Variants in C5orf47 observed in about 807,000 individuals in gnomAD.
C5orf47 encodes chromosome 5 open reading frame 47, also known as uncharacterized protein C5orf47.
C5orf47 carries 20 observed loss-of-function variants against 20.6 expected under a neutral mutation model. The ratio of observed to expected loss-of-function variants is 0.97; its 90% confidence interval spans 0.68 to 1.41. C5orf47 has a LOEUF of 1.41. Among genes scored for constraint, C5orf47 ranks in the 40% most tolerant of loss-of-function variants. C5orf47 has a pLI of 0.00. For synonymous variants in C5orf47, 106 were observed against 97.3 expected, an observed-to-expected ratio of 1.09 and a Z score of -0.53; for missense variants, 262 against 238.4, an observed-to-expected ratio of 1.10 and a Z score of -0.65.
chr5:174,008,154 C>T (rs1391077186), downstream of C5orf47, among the ~76,000 whole-genome samples: 1 of 152,186 alleles, frequency 6.6e-6, no homozygotes, highest in East Asian at 1.9e-4. Flanking sequence ...GCTAGGATAT[C>T]CCTTCCAGAG....
chr5:173,989,331 C>T lies in C5orf47; in HGVS notation c.68C>T (p.Ser23Leu), dbSNP rs1252759478. ...TTCGTCTATGTGACGCGCTTCGGCT[C>T]GCATCAGTGCAGTGGCGTCCTGCAA... The part of the protein sequence containing the change: ...ARFVYVTRFG[S>L]HQCSGVLQLG... Residue 23 changes from serine to leucine, a missense_variant, in exon 1 of 5, where the codon TCG becomes TTG. Transcript: ENST00000340147. The T allele has an allele frequency of 1.4e-6, 2 of 1,430,620 alleles. No homozygotes were observed. The highest frequency in any genetic ancestry group is 9.2e-7 in the Non-Finnish European group (1 of 1,086,216). The allele number at this position is 1,430,620 out of a possible 1,614,324, so 88.6% of individuals were successfully genotyped here. A position where few individuals can be genotyped will look rare whatever the true frequency, so the allele number is the denominator to read the frequency against.
rs376415933 is a variant in C5orf47 at position 173,989,372 on chromosome 5, G to A, written c.109G>A (p.Ala37Thr). The A allele has an allele frequency of 1.3e-4, 205 of 1,530,312 alleles. No individual in the cohort carries two copies. The highest frequency in any genetic ancestry group is 5.1e-4 in the Middle Eastern group (3 of 5,918). The allele number at this position is 1,530,312 out of a possible 1,614,324, so 94.8% of individuals were successfully genotyped here. A position where few individuals can be genotyped will look rare whatever the true frequency, so the allele number is the denominator to read the frequency against. Residue 37 changes from alanine (A) to threonine (T), a missense_variant, in exon 1 of 5, where the codon GCT (alanine) becomes ACT (threonine). Coordinates refer to ENST00000340147, the MANE Select transcript of C5orf47 (RefSeq NM_001144954.2). ...SGVLQLGGRG[A>T]QGLWGQGPGA... ...CGTCCTGCAACTGGGCGGCCGTGGA[G>A]CTCAAGGCCTTTGGGGTCAGGGGCC... is the stretch of plus-strand genomic sequence containing the variant.
At position 174,004,965 on chromosome 5, in the gene C5orf47, T is replaced by G. The variant is rs541341830; in HGVS notation, c.*711T>G. ...AATACATTATTTTTAAGTCAATGAA[T>G]GAGAGGATTAGAATTCTGAAAATCA... is the stretch of plus-strand genomic sequence containing the variant. On this transcript the variant is annotated 3_prime_UTR_variant, in exon 5 of 5. Transcript: ENST00000340147. 2 of 152,322 alleles carry G rather than the reference T, an allele frequency of 1.3e-5. No individual in the cohort carries two copies. The highest frequency in any genetic ancestry group is 3.9e-4 in the East Asian group (2 of 5,192). The allele number at this position is 152,322 out of a possible 1,614,324, so 9.4% of individuals were successfully genotyped here.
intron 4 of C5orf47, among the ~76,000 whole-genome samples, chr5:174,002,742 A>G (rs1759221207): frequency 6.6e-6 from 1 of 152,016 alleles, no homozygotes; most frequent in East Asian, 1.9e-4. Flanking sequence ...TTTTTTCCCT[A>G]TTGCCCCAAT....
At position 173,989,436 on chromosome 5, in the gene C5orf47, T is replaced by C; in HGVS notation, c.173T>C (p.Met58Thr). 1 of 1,549,412 alleles carries C rather than the reference T, an allele frequency of 6.5e-7. No homozygotes were observed. The highest frequency in any genetic ancestry group is 8.7e-7 in the Non-Finnish European group (1 of 1,145,926). ...GCRQEKPREA[M>T]AVAGVQGGSE... ...CGCCAGGAGAAGCCGAGGGAAGCAA[T>C]GGCGGTGGCGGGCGTTCAGGGTGGC... is the stretch of plus-strand genomic sequence containing the variant. The change falls in exon 1 of 5, where the codon ATG (methionine) becomes ACG (threonine). Residue 58 changes from methionine to threonine, a missense_variant. By Grantham distance (81) the Met-to-Thr change is moderately conservative. Transcript: ENST00000340147.
chr5:174,007,591 T>C (rs1759311760), downstream of C5orf47, among the ~76,000 whole-genome samples: 1 of 147,042 alleles, frequency 6.8e-6, no homozygotes, highest in South Asian at 2.1e-4. Flanking sequence ...GGAGTCTCGC[T>C]CTGATGCTGA....
intron 4 of C5orf47, among the ~76,000 whole-genome samples, chr5:174,001,937 T>C (rs1056199770): frequency 6.6e-6 from 1 of 151,262 alleles, no homozygotes; most frequent in African/African-American, 2.4e-5. Context: ...TACATACAGT[T>C]ATCTTTTTTC....
rs1280541992 is a variant in C5orf47, at chr5:174,005,920, G to A, written c.*1666G>A. ...GAGGAATGAAGACTCCCACTGAAAT[G>A]AATGTTCTAAATATTTGTTCTAAAT... On this transcript the variant is annotated 3_prime_UTR_variant, in exon 5 of 5. Transcript: ENST00000340147. 6.6e-6 allele frequency: 1 copy of A among 152,298 alleles called. No homozygotes were observed. Among genetic ancestry groups the A allele is most frequent in the East Asian group, 1.9e-4 (1 of 5,340 alleles). The allele number at this position is 152,298 out of a possible 1,614,324, so 9.4% of individuals were successfully genotyped here.
At position 173,999,714 on chromosome 5, in the gene C5orf47, T is replaced by TAGAGTATAC; in HGVS notation, c.428_436dup (p.Arg143_Tyr145dup). On this transcript the variant is annotated inframe_insertion, in exon 3 of 5. Transcript: ENST00000340147. Reference sequence around the variant, plus strand: ...ATCTTTTTAAGGTTTTAGTATGGAATAGAGTATACAAAGTCATTTCAAGAA... The same window carrying TAGAGTATAC: ...ATCTTTTTAAGGTTTTAGTATGGAATAGAGTATACAGAGTATACAAAGTCATTTCAAGAA... 6.8e-7 allele frequency: 1 copy of TAGAGTATAC among 1,477,310 alleles called. No homozygotes were observed. Among genetic ancestry groups the TAGAGTATAC allele is most frequent in the Non-Finnish European group, 9.2e-7 (1 of 1,084,210 alleles). 91.5% of individuals were successfully genotyped at this position (1,477,310 alleles called of 1,614,324 possible). A position where few individuals can be genotyped will look rare whatever the true frequency, so the allele number is the denominator to read the frequency against.
chr5:173,989,663 C>T (rs1235263742), intron 1 of C5orf47, 75 bp downstream of exon 1: 18 of 1,232,498 alleles, frequency 1.5e-5, no homozygotes, highest in Middle Eastern at 5.5e-4. Flanking sequence ...TGCTGGGCGC[C>T]ATCTTGCGGC....
rs1393270297 is a variant in C5orf47 at position 174,005,676 on chromosome 5, T to G, written c.*1422T>G. On this transcript the variant is annotated 3_prime_UTR_variant, in exon 5 of 5. Transcript: ENST00000340147. Reference sequence around the variant, plus strand: ...AAGTCCATTGCAAAATGAGACATATTTACACTGTTTATACTGTAATTTATG... The same window carrying G: ...AAGTCCATTGCAAAATGAGACATATGTACACTGTTTATACTGTAATTTATG... The G allele has an allele frequency of 1.3e-5, 2 of 152,372 alleles. No homozygotes were observed. Among genetic ancestry groups the G allele is most frequent in the East Asian group, 3.7e-4 (2 of 5,334 alleles). 9.4% of individuals were successfully genotyped at this position (152,372 alleles called of 1,614,324 possible). A position where few individuals can be genotyped will look rare whatever the true frequency, so the allele number is the denominator to read the frequency against.
intron 4 of C5orf47, among the ~76,000 whole-genome samples, chr5:174,002,523 C>T (rs755389279): frequency 6.6e-6 from 1 of 152,110 alleles, no homozygotes; most frequent in African/African-American, 2.4e-5. Flanking sequence ...TAGGCTAATA[C>T]AAAGCACTCC....
In C5orf47 at chr5:174,005,978, T is replaced by A. The variant is rs1376305357; in HGVS notation, c.*1724T>A. The A allele has an allele frequency of 6.6e-6, 1 of 152,300 alleles. No homozygotes were observed. Among genetic ancestry groups the A allele is most frequent in the Non-Finnish European group, 1.5e-5 (1 of 68,038 alleles). The allele number at this position is 152,300 out of a possible 1,614,324, so 9.4% of individuals were successfully genotyped here. ...TTTTTGTTTAATAATTTCTGGTGAA[T>A]ATGTGTTCAATCTGTTATGTTAAAT... On this transcript the variant is annotated 3_prime_UTR_variant, in exon 5 of 5. Coordinates refer to ENST00000340147, the MANE Select transcript of C5orf47 (RefSeq NM_001144954.2).
chr5:174,007,752 G>A (rs927701007), downstream of C5orf47, among the ~76,000 whole-genome samples: 1 of 151,948 alleles, frequency 6.6e-6, no homozygotes, highest in East Asian at 1.9e-4. Context: ...TAGAGACGGG[G>A]TTTCACTGTA....
chr5:174,007,698 C>CAGGTGTGTG (rs1377917491), downstream of C5orf47, among the ~76,000 whole-genome samples: 5 of 151,998 alleles, frequency 3.3e-5, no homozygotes, highest in Non-Finnish European at 1.5e-5. Context: ...GCTGGGACTA[C>CAGGTGTGTG]AGGTGTGTGC....
At chr5:174,001,171 TC>T (rs1175785078) in intron 3 of C5orf47, 24 bp from the exon 4 acceptor site, 1 of 1,497,838 alleles carries the variant, frequency 6.7e-7, no homozygotes, top group African/African-American at 1.4e-5. Flanking sequence ...ACTTAAATTT[TC>T]CTTATTTTTT....
intron 1 of C5orf47, among the ~76,000 whole-genome samples, chr5:173,990,543 T>C (rs1296225274): frequency 2.0e-5 from 3 of 152,102 alleles, no homozygotes; most frequent in African/African-American, 7.2e-5. Context: ...CAAGCGATTC[T>C]CCTGCCTCAG....
At chr5:173,994,043 A>C (rs1420576754) in intron 1 of C5orf47, among the ~76,000 whole-genome samples, 1 of 152,178 alleles carries the variant, frequency 6.6e-6, no homozygotes, top group Non-Finnish European at 1.5e-5. Context: ...TCCTTGCAAA[A>C]AGTTGTCCAG....
chr5:173,991,274 AT>A (rs952555826), intron 1 of C5orf47, among the ~76,000 whole-genome samples: 14 of 151,830 alleles, frequency 9.2e-5, no homozygotes, highest in Admixed American at 6.6e-4. Flanking sequence ...ATATAATTTT[AT>A]TTTTTTTCAC....
Sources: gnomAD v4.1 joint callset for allele counts (sites outside exome capture counted in the v4.1 genomes callset) on GRCh38, gnomAD v4.1.1 for gene constraint, MANE v1.5 for transcripts, NCBI Gene and HGNC (gene_info 2026-07-23, HGNC 2026-07-21) for gene names.